Variants in ZMIZ1 observed in about 807,000 individuals in gnomAD.
ZMIZ1 encodes zinc finger MIZ-type containing 1.
In ZMIZ1, 17 loss-of-function variants were observed where a neutral mutation model predicts 113.9. The observed-to-expected ratio is 0.15, with a 90% CI of 0.10 to 0.22. The LOEUF is 0.22. Among genes scored for constraint, ZMIZ1 ranks in the 10% least tolerant of loss-of-function variants. ZMIZ1 has a pLI of 1.00. For missense variants in ZMIZ1, 1,059 were observed against 1,477.8 expected, an observed-to-expected ratio of 0.72 and a Z score of 4.65; for synonymous variants, 607 against 603.1, an observed-to-expected ratio of 1.01 and a Z score of -0.09.
chr10:79,185,079 G>A (rs1049764361), intron 4 of ZMIZ1, among the ~76,000 whole-genome samples: 1 of 152,156 alleles, frequency 6.6e-6, no homozygotes, highest in African/African-American at 2.4e-5. Context: ...CTGCCCAGGC[G>A]AGCAGGACGG....
intron 4 of ZMIZ1, among the ~76,000 whole-genome samples, chr10:79,190,860 C>T (rs887153019): frequency 1.3e-5 from 2 of 152,182 alleles, no homozygotes; most frequent in Non-Finnish European, 2.9e-5. Context: ...GGGTAAAGAG[C>T]ACAAAGTCAG....
At position 79,293,578 on chromosome 10, in the gene ZMIZ1, G is replaced by A. The variant is rs1853664672; in HGVS notation, c.1155G>A (p.Met385Ile). Residue 385 changes from methionine to isoleucine, a missense_variant, in exon 12 of 25, where the codon ATG becomes ATA. Met to Ile is a conservative substitution (Grantham distance 10). Transcript: ENST00000334512. ...ISPFGTHGQR[M>I]PQQTYPGPRP... Reference sequence around the variant, plus strand: ...CCTTTGGCACACACGGGCAGCGGATGCCCCAGCAGACCTACCCGGGCCCCC... The same window carrying A: ...CCTTTGGCACACACGGGCAGCGGATACCCCAGCAGACCTACCCGGGCCCCC... 1 of 1,612,966 alleles carries A rather than the reference G, an allele frequency of 6.2e-7. No homozygotes were observed.
intron 7 of ZMIZ1, among the ~76,000 whole-genome samples, chr10:79,240,066 A>C (rs1420327214): frequency 1.3e-5 from 2 of 152,242 alleles, no homozygotes; most frequent in African/African-American, 2.4e-5. Context: ...GGCCCACGGC[A>C]GGAGGAGTTC....
intron 5 of ZMIZ1, among the ~76,000 whole-genome samples, chr10:79,202,395 A>G (rs1848138228): frequency 6.6e-6 from 1 of 152,040 alleles, no homozygotes; most frequent in Non-Finnish European, 1.5e-5. Context: ...CTTGAAGCCA[A>G]GAATTTGAAA....
chr10:79,218,721 C>T (rs1589438533), intron 7 of ZMIZ1, among the ~76,000 whole-genome samples: 1 of 152,016 alleles, frequency 6.6e-6, no homozygotes, highest in South Asian at 2.1e-4. Flanking sequence ...TTGCAGCAGT[C>T]TCCCCTGAGA....
Position 79,069,758 on chromosome 10 carries a change from T to C in ZMIZ1, c.-337+488T>C, listed in dbSNP as rs562486298. Among the ~76,000 whole-genome samples, 149 of 151,600 alleles carry C rather than the reference T, an allele frequency of 9.8e-4. No individual in the cohort carries two copies. The highest frequency in any genetic ancestry group is 1.9e-3 in the Non-Finnish European group (127 of 67,854). On this transcript the variant is annotated intron_variant, in intron 1 of 24. Coordinates refer to ENST00000334512, the MANE Select transcript of ZMIZ1 (RefSeq NM_020338.4). The surrounding 1 kb of genome is among the most constrained non-coding windows in gnomAD (Gnocchi z 4.6). The stretch of plus-strand genomic sequence containing the variant: ...CGCTGGATTTCAGGATGGCAAGGGG[T>C]GGTGGTGTTAACTTGTGCGTCTGAA...
chr10:79,117,762 C>A (rs1388613036), intron 1 of ZMIZ1, among the ~76,000 whole-genome samples: 1 of 152,164 alleles, frequency 6.6e-6, no homozygotes, highest in Non-Finnish European at 1.5e-5. Flanking sequence ...AAAGACCCAG[C>A]TGAAGATGGG....
intron 4 of ZMIZ1, among the ~76,000 whole-genome samples, chr10:79,187,457 T>C (rs938541564): frequency 5.3e-5 from 8 of 152,200 alleles, no homozygotes; most frequent in Non-Finnish European, 1.5e-5. Context: ...TTCTGTGAAG[T>C]CTGAGCTGTG....
intron 7 of ZMIZ1, among the ~76,000 whole-genome samples, chr10:79,223,615 G>A (rs146762593): frequency 4.1e-4 from 62 of 152,348 alleles, no homozygotes; most frequent in African/African-American, 1.4e-3. Flanking sequence ...TTTCAGTGCC[G>A]TGGGAAAGGC....
rs930432418 is a variant in ZMIZ1, at chr10:79,183,059, A to G, written c.-49-18525A>G. Among the ~76,000 whole-genome samples the G allele has an allele frequency of 3.3e-5, 5 of 152,172 alleles. No individual in the cohort carries two copies. The East Asian group carries it at 9.7e-4, about 29-fold the overall frequency. On this transcript the variant is annotated intron_variant, in intron 4 of 24. Coordinates refer to ENST00000334512, the MANE Select transcript of ZMIZ1 (RefSeq NM_020338.4). Reference sequence around the variant, plus strand: ...GCCAGCATTTCTGATAAGCAGTACCAAGTCAACCTAGGTTGGCACCCAATC... The same window carrying G: ...GCCAGCATTTCTGATAAGCAGTACCGAGTCAACCTAGGTTGGCACCCAATC...
At chr10:79,265,904 C>T (rs1028896326) in intron 7 of ZMIZ1, among the ~76,000 whole-genome samples, 1 of 152,202 alleles carries the variant, frequency 6.6e-6, no homozygotes, top group Non-Finnish European at 1.5e-5. Flanking sequence ...ATCAACGGAG[C>T]AGCCCAACAG....
intron 2 of ZMIZ1, among the ~76,000 whole-genome samples, chr10:79,122,420 G>GT (rs1332752620): frequency 2.6e-5 from 4 of 152,132 alleles, no homozygotes; most frequent in Non-Finnish European, 4.4e-5. Context: ...TGGTGGCCTG[G>GT]TTTTTTGTGC....
intron 7 of ZMIZ1, chr10:79,243,680 G>A: frequency 9.8e-6 from 3 of 305,628 alleles, no homozygotes; most frequent in Non-Finnish European, 1.3e-5. Flanking sequence ...GGCCGCCGCC[G>A]GCCGGGCCCC....
intron 3 of ZMIZ1, among the ~76,000 whole-genome samples, chr10:79,148,245 A>G (rs1845573043): frequency 6.6e-6 from 1 of 152,228 alleles, no homozygotes; most frequent in Admixed American, 6.5e-5. Flanking sequence ...ACTGGAATCC[A>G]GCAACATTCC....
chr10:79,098,997 A>G (rs1293022961), intron 1 of ZMIZ1, among the ~76,000 whole-genome samples: 2 of 152,160 alleles, frequency 1.3e-5, no homozygotes, highest in African/African-American at 2.4e-5. Flanking sequence ...AGAGGAGCCA[A>G]ATGGGAACCA....
chr10:79,159,398 G>C (rs1170861244), intron 3 of ZMIZ1, among the ~76,000 whole-genome samples: 3 of 152,226 alleles, frequency 2.0e-5, no homozygotes, highest in Non-Finnish European at 4.4e-5. Context: ...TTCGCAGCAT[G>C]AGGGGTGCCC....
At chr10:79,249,221 C>T (rs80047506) in intron 7 of ZMIZ1, among the ~76,000 whole-genome samples, 2,759 of 152,334 alleles carry the variant, frequency 0.018, 83 homozygotes, top group African/African-American at 0.063. Flanking sequence ...GATCCCCACA[C>T]CCAGCGTCCG....
At chr10:79,292,905 A>T in intron 11 of ZMIZ1, 1 of 462,184 alleles carries the variant, frequency 2.2e-6, no homozygotes, top group South Asian at 1.6e-5. Flanking sequence ...CAGAAGTGGA[A>T]GCTGGGCTGA....
chr10:79,116,093 G>A lies in ZMIZ1; in HGVS notation c.-336-2822G>A, dbSNP rs537102851. On this transcript the variant is annotated intron_variant, in intron 1 of 24. Transcript: ENST00000334512. Reference sequence around the variant, plus strand: ...GTGAAATGGGGAGTATAATCCCCCCGTAAGCCCTGCACTCTGTAGCCCCTT... The same window carrying A: ...GTGAAATGGGGAGTATAATCCCCCCATAAGCCCTGCACTCTGTAGCCCCTT... Among the ~76,000 whole-genome samples, 188 of 152,094 alleles carry A rather than the reference G, an allele frequency of 1.2e-3. 1 individual carries two copies. Among genetic ancestry groups the A allele is most frequent in the African/African-American group, 4.2e-3 (176 of 41,480 alleles).
Sources: gnomAD v4.1 joint callset for allele counts (sites outside exome capture counted in the v4.1 genomes callset) on GRCh38, gnomAD v4.1.1 for gene constraint, Gnocchi (gnomAD v3.1) non-coding constraint, MANE v1.5 for transcripts, NCBI Gene and HGNC (gene_info 2026-07-23, HGNC 2026-07-21) for gene names.